PNPLA7: variants seen among roughly 807,000 people sequenced by gnomAD.
The protein encoded by PNPLA7 is patatin-like phospholipase domain-containing protein 7.
PNPLA7 carries 153 observed loss-of-function variants against 161.7 expected under a neutral mutation model. That is an observed-to-expected ratio of 0.95 (90% CI 0.83 to 1.08). The LOEUF is 1.08. Ranked by LOEUF, PNPLA7 falls within the 50% of genes least tolerant of loss-of-function variation. The pLI, the probability that PNPLA7 is intolerant of heterozygous loss-of-function variation, is 0.00. For synonymous variants in PNPLA7, 809 were observed against 782.1 expected, an observed-to-expected ratio of 1.03 and a Z score of -0.57; for missense variants, 1,739 against 1,856.6, an observed-to-expected ratio of 0.94 and a Z score of 1.16.
At chr9:137,517,041 T>A (rs1588660046) in intron 11 of PNPLA7, among the ~76,000 whole-genome samples, 2 of 106,804 alleles carry the variant, frequency 1.9e-5, no homozygotes, top group Non-Finnish European at 1.9e-5. Context: ...CCATCCCCTG[T>A]CACTCACTCC....
Position 137,490,675 on chromosome 9 carries a change from A to G in PNPLA7, c.2197+2338T>C, listed in dbSNP as rs1832720310. On this transcript the variant is annotated intron_variant, in intron 20 of 34. Coordinates refer to ENST00000406427, the MANE Select transcript of PNPLA7 (RefSeq NM_001098537.3). The surrounding 1 kb of genome is among the most constrained non-coding windows in gnomAD (Gnocchi z 4.1). ...TTCTCTGAAAGAACCGCTAACCACAATTCTTCAACAGCAAGGAGACGAGCC... is the reference window on the plus strand; with the variant it reads ...TTCTCTGAAAGAACCGCTAACCACAGTTCTTCAACAGCAAGGAGACGAGCC... Among the ~76,000 whole-genome samples the G allele has an allele frequency of 6.6e-6, 1 of 152,186 alleles. No homozygotes were observed. The highest frequency in any genetic ancestry group is 1.5e-5 in the Non-Finnish European group (1 of 68,030).
chr9:137,519,928 G>A lies in PNPLA7; in HGVS notation c.1073C>T (p.Ser358Phe). ...GTGCAGGACAGTACCTGAGTCACAGGACTCCTGGAGCCGCGGTGGCTTTTT... is the reference window on the plus strand; with the variant it reads ...GTGCAGGACAGTACCTGAGTCACAGAACTCCTGGAGCCGCGGTGGCTTTTT... The part of the protein sequence containing the change: ...RLKKPPRLQE[S>F]CDSDHGGGRP... Residue 358 changes from serine (S) to phenylalanine (F), a missense_variant, in exon 11 of 35, where the codon TCC becomes TTC. Physicochemically the swap from Ser to Phe is radical, Grantham distance 155. Coordinates refer to ENST00000406427, the MANE Select transcript of PNPLA7 (RefSeq NM_001098537.3). 1 of 1,612,444 alleles carries A rather than the reference G, an allele frequency of 6.2e-7. No homozygotes were observed. The highest frequency in any genetic ancestry group is 8.5e-7 in the Non-Finnish European group (1 of 1,179,784).
At chr9:137,471,015 G>A (rs1211887505) in intron 25 of PNPLA7, among the ~76,000 whole-genome samples, 2 of 152,258 alleles carry the variant, frequency 1.3e-5, no homozygotes, top group Non-Finnish European at 2.9e-5. Context: ...TGGAATGAGG[G>A]TTGGGTGTCT....
chr9:137,467,115 G>T lies in PNPLA7; in HGVS notation c.3039+202C>A, dbSNP rs141611196. Among the ~76,000 whole-genome samples, 1 of 151,494 alleles carries T rather than the reference G, an allele frequency of 6.6e-6. No individual in the cohort carries two copies. Among genetic ancestry groups the T allele is most frequent in the Non-Finnish European group, 1.5e-5 (1 of 67,852 alleles). On this transcript the variant is annotated intron_variant, in intron 26 of 34. Coordinates refer to ENST00000406427, the MANE Select transcript of PNPLA7 (RefSeq NM_001098537.3). This position sits in a 1 kb window ranked among gnomAD's most constrained non-coding sequence, Gnocchi z 5.1. ...CTCAGACCTGGGCACAGATCAGACC[G>T]CCTCCCACCACCAACCTGCATCTGT...
Position 137,547,046 on chromosome 9 carries a change from G to T in PNPLA7, c.194-137C>A. 1 of 833,134 alleles carries T rather than the reference G, an allele frequency of 1.2e-6. No individual in the cohort carries two copies. Among genetic ancestry groups the T allele is most frequent in the East Asian group, 2.6e-5 (1 of 38,248 alleles). 51.6% of individuals were successfully genotyped at this position (833,134 alleles called of 1,614,324 possible). On this transcript the variant is annotated intron_variant, in intron 3 of 34. Coordinates refer to ENST00000406427, the MANE Select transcript of PNPLA7 (RefSeq NM_001098537.3). The surrounding 1 kb of genome is among the most constrained non-coding windows in gnomAD (Gnocchi z 4.6). ...TACTCAGACAGCATGAGGGAAGAGG[G>T]CCTGAGTGACAGGCTCATCTCCAAC... is the stretch of plus-strand genomic sequence containing the variant.
At chr9:137,480,256 C>T in intron 23 of PNPLA7, 56 bp downstream of exon 23, 2 of 1,552,942 alleles carry the variant, frequency 1.3e-6, no homozygotes, top group Admixed American at 4.0e-5. Flanking sequence ...AAAAGAGAAA[C>T]AGGAGGTTCT....
chr9:137,515,896 C>T (rs1448802155), intron 11 of PNPLA7, among the ~76,000 whole-genome samples: 2 of 26,312 alleles, frequency 7.6e-5, no homozygotes, highest in Non-Finnish European at 1.5e-4. Context: ...ACCCCCTCCC[C>T]CCAAATCCCC....
chr9:137,483,503 G>A (rs910434058), intron 21 of PNPLA7, among the ~76,000 whole-genome samples: 2 of 152,110 alleles, frequency 1.3e-5, no homozygotes, highest in Non-Finnish European at 2.9e-5. Context: ...CACCCACGCT[G>A]GAGTGCAGTG....
chr9:137,547,501 A>G lies in PNPLA7; in HGVS notation c.105+84T>C. On this transcript the variant is annotated intron_variant, in intron 2 of 34. Transcript: ENST00000406427. The surrounding 1 kb of genome is among the most constrained non-coding windows in gnomAD (Gnocchi z 4.6). ...CTGCCCAACCACAGGCTGGGCAGGAATGAGCCAGGGGATGGGGACAGGGAG... is the reference window on the plus strand; with the variant it reads ...CTGCCCAACCACAGGCTGGGCAGGAGTGAGCCAGGGGATGGGGACAGGGAG... 1 of 1,593,286 alleles carries G rather than the reference A, an allele frequency of 6.3e-7. No homozygotes were observed. Among genetic ancestry groups the G allele is most frequent in the Non-Finnish European group, 8.6e-7 (1 of 1,162,156 alleles).
At chr9:137,514,550 A>T (rs1054805101) in intron 12 of PNPLA7, among the ~76,000 whole-genome samples, 1 of 71,692 alleles carries the variant, frequency 1.4e-5, no homozygotes, top group Non-Finnish European at 2.7e-5. Context: ...GGTCACCCGG[A>T]TGTTGAGGTG....
chr9:137,464,248 TG>T, intron 27 of PNPLA7, 53 bp from the exon 28 acceptor site: 1 of 1,610,042 alleles, frequency 6.2e-7, no homozygotes, highest in Non-Finnish European at 8.5e-7. Flanking sequence ...TCCTGTCCTG[TG>T]TCTGGGGAGG....
In PNPLA7 at chr9:137,467,252, C is replaced by T. The variant is rs552609350; in HGVS notation, c.3039+65G>A. Reference sequence around the variant, plus strand: ...CACATGCAGAGGCCAACGGCCCCAGCGTCCCCCAGCACCAGCAAGGACCTG... The same window carrying T: ...CACATGCAGAGGCCAACGGCCCCAGTGTCCCCCAGCACCAGCAAGGACCTG... On this transcript the variant is annotated intron_variant, in intron 26 of 34. Transcript: ENST00000406427. This position sits in a 1 kb window ranked among gnomAD's most constrained non-coding sequence, Gnocchi z 5.1. The T allele has an allele frequency of 1.4e-5, 22 of 1,526,574 alleles. 1 individual carries two copies. In the Admixed American group the frequency reaches 3.4e-4, roughly 24 times the overall value. The allele number at this position is 1,526,574 out of a possible 1,614,324, so 94.6% of individuals were successfully genotyped here. A position where few individuals can be genotyped will look rare whatever the true frequency, so the allele number is the denominator to read the frequency against.
chr9:137,502,703 C>CGG (rs1396377109), intron 14 of PNPLA7, among the ~76,000 whole-genome samples: 6 of 11,194 alleles, frequency 5.4e-4, no homozygotes, highest in Non-Finnish European at 8.7e-4. Flanking sequence ...GGGGGGGACG[C>CGG]GGGGGACGCG....
At chr9:137,516,346 G>A (rs1834569809) in intron 11 of PNPLA7, 1 of 984,538 alleles carries the variant, frequency 1.0e-6, no homozygotes. Context: ...GACCACACAG[G>A]CTGAAGGAGG....
At chr9:137,475,568 G>T (rs1831910843) in intron 25 of PNPLA7, among the ~76,000 whole-genome samples, 1 of 152,018 alleles carries the variant, frequency 6.6e-6, no homozygotes, top group Non-Finnish European at 1.5e-5. Context: ...TAGAGATGGG[G>T]TTTCACCATG....
In PNPLA7 at chr9:137,543,543, G is replaced by C; in HGVS notation, c.395C>G (p.Ala132Gly). The change falls in exon 6 of 35, where the codon GCC becomes GGC. Residue 132 changes from alanine to glycine, a missense_variant. Coordinates refer to ENST00000406427, the MANE Select transcript of PNPLA7 (RefSeq NM_001098537.3). This position sits in a 1 kb window ranked among gnomAD's most constrained non-coding sequence, Gnocchi z 6.9. ...RILRFKKEYPALQPKEPPPSL... is the reference protein window; with the variant it reads ...RILRFKKEYPGLQPKEPPPSL... ...GGGCGGGGGCTCCTTGGGCTGCAGG[G>C]CCGGGTATTCCTTCTTGAAACGCAG... 1.2e-6 allele frequency: 2 copies of C among 1,613,604 alleles called. No homozygotes were observed. Among genetic ancestry groups the C allele is most frequent in the African/African-American group, 1.3e-5 (1 of 75,040 alleles).
chr9:137,523,401 C>G lies in PNPLA7; in HGVS notation c.748-544G>C, dbSNP rs926931965. On this transcript the variant is annotated intron_variant, in intron 8 of 34. Coordinates refer to ENST00000406427, the MANE Select transcript of PNPLA7 (RefSeq NM_001098537.3). This position sits in a 1 kb window ranked among gnomAD's most constrained non-coding sequence, Gnocchi z 4.4. Reference sequence around the variant, plus strand: ...CAGGTGAGGAGCCACAGTGGCTCACCGCGTGGATGTGGCCAGCAGAGCTCC... The same window carrying G: ...CAGGTGAGGAGCCACAGTGGCTCACGGCGTGGATGTGGCCAGCAGAGCTCC... Among the ~76,000 whole-genome samples, 3 of 152,110 alleles carry G rather than the reference C, an allele frequency of 2.0e-5. No homozygotes were observed. The highest frequency in any genetic ancestry group is 4.4e-5 in the Non-Finnish European group (3 of 68,024).
chr9:137,514,489 C>T (rs369600863), intron 12 of PNPLA7, among the ~76,000 whole-genome samples: 17 of 122,956 alleles, frequency 1.4e-4, no homozygotes, highest in African/African-American at 3.2e-4. Flanking sequence ...GCCCTGTGGC[C>T]GGGTCACCTG....
intron 11 of PNPLA7, chr9:137,516,495 G>A: frequency 1.0e-6 from 1 of 985,306 alleles, no homozygotes; most frequent in Non-Finnish European, 1.2e-6. Flanking sequence ...ATGCCATTCA[G>A]GCAATGACAC....
Sources: gnomAD v4.1 joint callset for allele counts (sites outside exome capture counted in the v4.1 genomes callset) on GRCh38, gnomAD v4.1.1 for gene constraint, Gnocchi (gnomAD v3.1) non-coding constraint, MANE v1.5 for transcripts, NCBI Gene and HGNC (gene_info 2026-07-23, HGNC 2026-07-21) for gene names.